CCDC148: variants seen among roughly 807,000 people sequenced by gnomAD.
CCDC148 encodes coiled-coil domain containing 148.
Under a neutral mutation model 85.7 loss-of-function variants are expected in CCDC148, and 89 were observed. That is an observed-to-expected ratio of 1.04 (90% CI 0.87 to 1.24). The LOEUF (loss-of-function observed/expected upper bound fraction) is 1.24. Among genes scored for constraint, CCDC148 ranks in the 50% most tolerant of loss-of-function variants. CCDC148 has a pLI of 0.00. For synonymous variants in CCDC148, 230 were observed against 213.9 expected (o/e 1.08, Z -0.66); for missense variants, 692 against 671.7 (o/e 1.03, Z -0.33).
Position 158,309,544 on chromosome 2 carries a change from T to A in CCDC148, c.999A>T (p.Ile333=), listed in dbSNP as rs1023071819. 2.5e-6 allele frequency: 4 copies of A among 1,613,798 alleles called. No homozygotes were observed. Among genetic ancestry groups the A allele is most frequent in the Non-Finnish European group, 3.4e-6 (4 of 1,179,672 alleles). Residue 333 remains isoleucine (I), a synonymous_variant, in exon 9 of 14, where the codon ATA becomes ATT. Coordinates refer to ENST00000283233, the MANE Select transcript of CCDC148 (RefSeq NM_138803.4). The part of the protein sequence containing the change: ...SNWNKNKKDF[I]QKAVLTLTEA... The stretch of plus-strand genomic sequence containing the variant: ...CAGTGAGTGTCAGCACAGCCTTCTG[T>A]ATAAAGTCTTTCTTATTTTTATTCC...
At chr2:158,306,502 A>C (rs1364815073) in intron 9 of CCDC148, among the ~76,000 whole-genome samples, 1 of 152,212 alleles carries the variant, frequency 6.6e-6, no homozygotes, top group Non-Finnish European at 1.5e-5. Flanking sequence ...GCAGCCATAA[A>C]AAAGGATGAG....
chr2:158,240,070 T>TG (rs1342654363), intron 10 of CCDC148, among the ~76,000 whole-genome samples: 1 of 151,744 alleles, frequency 6.6e-6, no homozygotes, highest in African/African-American at 2.4e-5. Context: ...CTCAGCCAAG[T>TG]GGGGACACTT....
intron 9 of CCDC148, among the ~76,000 whole-genome samples, chr2:158,279,857 T>C (rs1029369282): frequency 1.3e-5 from 2 of 150,968 alleles, no homozygotes. Context: ...AAGGAAAAAA[T>C]GTTAAGGGCA....
At chr2:158,428,422 A>T (rs1687174927) in intron 1 of CCDC148, among the ~76,000 whole-genome samples, 1 of 152,102 alleles carries the variant, frequency 6.6e-6, no homozygotes, top group South Asian at 2.1e-4. Flanking sequence ...AATATGAAAC[A>T]TTGGAAGAGG....
chr2:158,237,804 C>T (rs1263539004), intron 10 of CCDC148, among the ~76,000 whole-genome samples: 1 of 152,148 alleles, frequency 6.6e-6, no homozygotes, highest in South Asian at 2.1e-4. Flanking sequence ...GACCCCCACC[C>T]TGCCACCCCA....
At chr2:158,421,354 C>A (rs1686771413) in intron 1 of CCDC148, among the ~76,000 whole-genome samples, 2 of 152,206 alleles carry the variant, frequency 1.3e-5, no homozygotes, top group Admixed American at 6.5e-5. Context: ...CACTCCTCAG[C>A]AAATGTCAAA....
chr2:158,253,590 T>C (rs997883873), intron 9 of CCDC148, among the ~76,000 whole-genome samples: 1 of 151,726 alleles, frequency 6.6e-6, no homozygotes, highest in Non-Finnish European at 1.5e-5. Context: ...TGCCTTCCCC[T>C]TATACTGCCT....
chr2:158,366,442 A>C (rs575946677), intron 1 of CCDC148, among the ~76,000 whole-genome samples: 53 of 150,954 alleles, frequency 3.5e-4, no homozygotes, highest in African/African-American at 1.3e-3. Context: ...ATTACAAGTA[A>C]TATGGCACTT....
intron 9 of CCDC148, among the ~76,000 whole-genome samples, chr2:158,263,048 T>C (rs1056886297): frequency 6.6e-6 from 1 of 152,066 alleles, no homozygotes; most frequent in African/African-American, 2.4e-5. Context: ...TCCTTCCACC[T>C]ATCCCCTTGC....
intron 1 of CCDC148, among the ~76,000 whole-genome samples, chr2:158,456,180 T>G (rs1489520642): frequency 6.6e-6 from 1 of 152,210 alleles, no homozygotes. Context: ...GCTCATGTGT[T>G]GACGCTTTGG....
At chr2:158,356,887 A>T (rs1358703345) in intron 2 of CCDC148, among the ~76,000 whole-genome samples, 1 of 136,566 alleles carries the variant, frequency 7.3e-6, no homozygotes, top group East Asian at 2.1e-4. Flanking sequence ...TACACCATGG[A>T]ATACTATGCA....
In CCDC148 at chr2:158,198,613, T is replaced by C. The variant is rs115556662; in HGVS notation, c.1371-19617A>G. ...TTTCCTAATGATGCCTGGGATTTCA[T>C]TGGACTTTTTGGCTGATATCTTCAG... On this transcript the variant is annotated intron_variant, in intron 11 of 13. Coordinates refer to ENST00000283233, the MANE Select transcript of CCDC148 (RefSeq NM_138803.4). Among the ~76,000 whole-genome samples, 522 of 152,336 alleles carry C rather than the reference T, an allele frequency of 3.4e-3. 2 individuals are homozygous for C. Among genetic ancestry groups the C allele is most frequent in the African/African-American group, 0.012 (479 of 41,582 alleles).
At chr2:158,361,293 G>A (rs1445231563) in intron 1 of CCDC148, among the ~76,000 whole-genome samples, 1 of 152,082 alleles carries the variant, frequency 6.6e-6, no homozygotes, top group East Asian at 1.9e-4. Flanking sequence ...AAGCAAGACA[G>A]ACCAATATTC....
intron 9 of CCDC148, among the ~76,000 whole-genome samples, chr2:158,277,600 T>G (rs917651036): frequency 7.3e-5 from 11 of 149,744 alleles, no homozygotes; most frequent in African/African-American, 1.0e-4. Flanking sequence ...TGTTTTTTTG[T>G]TTTTTTTTGT....
intron 9 of CCDC148, among the ~76,000 whole-genome samples, chr2:158,292,148 A>G (rs1473595926): frequency 6.6e-6 from 1 of 152,134 alleles, no homozygotes; most frequent in Non-Finnish European, 1.5e-5. Flanking sequence ...AAGAACTTCC[A>G]GCAAGCCACT....
intron 1 of CCDC148, chr2:158,381,065 T>A (rs1684849790): frequency 6.6e-6 from 1 of 152,090 alleles, no homozygotes; most frequent in African/African-American, 2.4e-5. Flanking sequence ...TGGCAAAGAT[T>A]TCTTTTTAAA....
chr2:158,307,693 A>G (rs1462563490), intron 9 of CCDC148, among the ~76,000 whole-genome samples: 2 of 152,234 alleles, frequency 1.3e-5, no homozygotes, highest in Non-Finnish European at 2.9e-5. Flanking sequence ...ATACTATGAA[A>G]TACTAAACAG....
At chr2:158,424,483 C>G (rs544075235) in intron 1 of CCDC148, among the ~76,000 whole-genome samples, 1 of 151,954 alleles carries the variant, frequency 6.6e-6, no homozygotes, top group Admixed American at 6.6e-5. Context: ...AACCAAACAC[C>G]GCATGTTCTC....
intron 1 of CCDC148, among the ~76,000 whole-genome samples, chr2:158,396,454 C>T (rs901418616): frequency 2.4e-4 from 37 of 151,994 alleles, no homozygotes; most frequent in Admixed American, 3.3e-4. Context: ...AATTCTGGGC[C>T]CTGTCCACCA....
Sources: allele counts gnomAD v4.1 joint callset (sites outside exome capture counted in the v4.1 genomes callset), GRCh38; gene constraint gnomAD v4.1.1; transcripts MANE v1.5; gene names NCBI Gene and HGNC (gene_info 2026-07-23, HGNC 2026-07-21).